The following ABCC1 variants were observed in gnomAD, a reference collection of about 807,000 sequenced individuals.
The protein encoded by ABCC1 is ATP binding cassette subfamily C member 1 (ABCC1 blood group).
In ABCC1, 83 loss-of-function variants were observed where a neutral mutation model predicts 172.9. The observed-to-expected ratio is 0.48, with a 90% CI of 0.40 to 0.58. ABCC1 has a LOEUF of 0.58. ABCC1 is among the 20% of genes least tolerant of loss of function. The pLI, the probability that ABCC1 is intolerant of heterozygous loss-of-function variation, is 0.00. For synonymous variants in ABCC1, 937 were observed against 825.2 expected (o/e 1.14, Z -2.32); for missense variants, 1,817 against 2,002.7 (o/e 0.91, Z 1.77).
intron 1 of ABCC1, among the ~76,000 whole-genome samples, chr16:15,996,363 A>G (rs1214399451): frequency 2.0e-5 from 3 of 152,084 alleles, no homozygotes; most frequent in South Asian, 2.1e-4. Flanking sequence ...GCCTCAAACT[A>G]TCCTCCTGCC....
At chr16:15,997,046 A>G (rs564862880) in intron 1 of ABCC1, among the ~76,000 whole-genome samples, 1 of 151,038 alleles carries the variant, frequency 6.6e-6, no homozygotes, top group Admixed American at 6.6e-5. Context: ...AGCAAGGAGA[A>G]GCCTCTGTTG....
In ABCC1 at chr16:16,116,146, C is replaced by T. The variant is rs112101209; in HGVS notation, c.3390+1070C>T. Among the ~76,000 whole-genome samples the T allele has an allele frequency of 6.7e-3, 1,022 of 152,268 alleles. 10 individuals are homozygous for T. The highest frequency in any genetic ancestry group is 0.023 in the African/African-American group (968 of 41,568). On this transcript the variant is annotated intron_variant, in intron 23 of 30. Coordinates refer to ENST00000399410, the MANE Select transcript of ABCC1 (RefSeq NM_004996.4). ...GTCTCAATCTCCTGACCTCGTGATT[C>T]GCCTGCCTCAGCCTCCCAAAGTGCT...
chr16:16,026,691 G>C (rs546418302), intron 5 of ABCC1, among the ~76,000 whole-genome samples: 4 of 151,708 alleles, frequency 2.6e-5, no homozygotes, highest in Admixed American at 1.3e-4. Context: ...CGAGATAGGC[G>C]GATCAGTTGA....
intron 5 of ABCC1, among the ~76,000 whole-genome samples, chr16:16,025,193 T>C (rs2048330209): frequency 6.6e-6 from 1 of 152,132 alleles, no homozygotes; most frequent in African/African-American, 2.4e-5. Flanking sequence ...ACATTTAGGC[T>C]CCGTCTAATA....
At chr16:15,993,224 G>A (rs1041319672) in intron 1 of ABCC1, among the ~76,000 whole-genome samples, 3 of 152,138 alleles carry the variant, frequency 2.0e-5, no homozygotes, top group African/African-American at 4.8e-5. Context: ...AACAGTCATC[G>A]AATGATAGAT....
intron 3 of ABCC1, among the ~76,000 whole-genome samples, chr16:16,012,192 ATAAG>A (rs763491688): frequency 1.7e-4 from 26 of 152,212 alleles, no homozygotes; most frequent in Non-Finnish European, 3.4e-4. Context: ...TACGTTGTAA[ATAAG>A]GTAAGCAAAG....
chr16:16,083,619 G>A, intron 17 of ABCC1, 77 bp downstream of exon 17: 2 of 1,541,656 alleles, frequency 1.3e-6, no homozygotes, highest in South Asian at 1.2e-5. Context: ...ATCTCAGTGG[G>A]CTGTGAGTCT....
intron 21 of ABCC1, 59 bp downstream of exon 21, chr16:16,106,932 A>G (rs1204472948): frequency 3.7e-6 from 6 of 1,605,508 alleles, no homozygotes; most frequent in Non-Finnish European, 4.3e-6. Flanking sequence ...CCCACTGTGC[A>G]CTGGGCACTG....
At chr16:15,957,794 A>G (rs2046031547) in intron 1 of ABCC1, among the ~76,000 whole-genome samples, 2 of 151,978 alleles carry the variant, frequency 1.3e-5, no homozygotes, top group Non-Finnish European at 2.9e-5. Flanking sequence ...GGTTTCCAGT[A>G]TGTTGGCCAG....
intron 26 of ABCC1, among the ~76,000 whole-genome samples, chr16:16,130,298 C>T (rs2045623540): frequency 6.6e-6 from 1 of 152,136 alleles, no homozygotes; most frequent in African/African-American, 2.4e-5. Flanking sequence ...CAGAGAAGAC[C>T]ACTCATTTCA....
intron 1 of ABCC1, among the ~76,000 whole-genome samples, chr16:15,977,634 C>T (rs1442445713): frequency 6.6e-6 from 1 of 152,168 alleles, no homozygotes; most frequent in South Asian, 2.1e-4. Context: ...CTTGGCCCTT[C>T]GAGATGGAGG....
chr16:16,070,640 G>A (rs2050311246), intron 13 of ABCC1, among the ~76,000 whole-genome samples: 1 of 152,172 alleles, frequency 6.6e-6, no homozygotes, highest in Admixed American at 6.5e-5. Context: ...ACTCCAGCCT[G>A]GGTGACAGAG....
intron 12 of ABCC1, among the ~76,000 whole-genome samples, chr16:16,059,521 C>T (rs150214030): frequency 6.6e-6 from 1 of 152,210 alleles, no homozygotes; most frequent in Non-Finnish European, 1.5e-5. Context: ...AATATGAAAT[C>T]TGGCTGGGCG....
intron 15 of ABCC1, among the ~76,000 whole-genome samples, chr16:16,079,036 A>G (rs551978378): frequency 1.8e-4 from 27 of 152,138 alleles, no homozygotes; most frequent in African/African-American, 6.5e-4. Flanking sequence ...TGCCCCCAGT[A>G]AAGTTTCTGC....
Position 15,980,684 on chromosome 16 carries a change from G to A in ABCC1, c.49-27132G>A, listed in dbSNP as rs925829251. ...CTACAATTCAAGATAAGATTTGGGT[G>A]GGGATACAGCTGAACCATATAATTC... On this transcript the variant is annotated intron_variant, in intron 1 of 30. Coordinates refer to ENST00000399410, the MANE Select transcript of ABCC1 (RefSeq NM_004996.4). Among the ~76,000 whole-genome samples the A allele has an allele frequency of 1.3e-5, 2 of 152,112 alleles. 1 individual carries two copies. The highest frequency in any genetic ancestry group is 4.8e-5 in the African/African-American group (2 of 41,388).
rs750280992 is a variant in ABCC1, at chr16:16,079,466, C to T, written c.2103C>T (p.His701=). 121 of 1,612,260 alleles carry T rather than the reference C, an allele frequency of 7.5e-5. No homozygotes were observed. Among genetic ancestry groups the T allele is most frequent in the Middle Eastern group, 1.6e-4 (1 of 6,076 alleles). The part of the protein sequence containing the change: ...LLAEMDKVEG[H]VAIKGSVAYV... ...CTGAGATGGACAAAGTGGAGGGGCA[C>T]GTGGCTATCAAGGTAGGATGAGGAC... Residue 701 remains histidine, a synonymous_variant, in exon 16 of 31, where the codon CAC becomes CAT. Coordinates refer to ENST00000399410, the MANE Select transcript of ABCC1 (RefSeq NM_004996.4).
In ABCC1 at chr16:16,044,518, C is replaced by G; in HGVS notation, c.878C>G (p.Ala293Gly). ...AQPKESSKVD[A>G]NEEVEALIVK... Reference sequence around the variant, plus strand: ...CCGAAAGAGAGTTCCAAGGTGGATGCGAATGAGGAGGTGGAGGCTTTGATC... The same window carrying G: ...CCGAAAGAGAGTTCCAAGGTGGATGGGAATGAGGAGGTGGAGGCTTTGATC... Residue 293 changes from alanine (A) to glycine (G), a missense_variant, in exon 8 of 31, where the codon GCG becomes GGG. Around this residue, in one of 3 missense-constraint regions of ABCC1, gnomAD observed 398 missense variants for 384.2 expected, o/e 1.04. Transcript: ENST00000399410. 6.2e-7 allele frequency: 1 copy of G among 1,614,128 alleles called. No individual in the cohort carries two copies. The highest frequency in any genetic ancestry group is 8.5e-7 in the Non-Finnish European group (1 of 1,180,024).
chr16:16,025,425 C>T (rs993281721), intron 5 of ABCC1, among the ~76,000 whole-genome samples: 1 of 152,182 alleles, frequency 6.6e-6, no homozygotes, highest in Admixed American at 6.5e-5. Flanking sequence ...TCTGCGGTTC[C>T]CAACAAGTTC....
chr16:16,093,149 C>T (rs2051320286), intron 19 of ABCC1, among the ~76,000 whole-genome samples: 1 of 151,424 alleles, frequency 6.6e-6, no homozygotes, highest in Non-Finnish European at 1.5e-5. Context: ...TGCAGAATCC[C>T]CCTTTGTCTA....
Sources: gnomAD v4.1 joint callset for allele counts (sites outside exome capture counted in the v4.1 genomes callset) on GRCh38, gnomAD v4.1.1 for gene constraint, gnomAD v4.1.1 regional missense constraint, MANE v1.5 for transcripts, NCBI Gene and HGNC (gene_info 2026-07-23, HGNC 2026-07-21) for gene names.